ANKRD44: variants seen among roughly 807,000 people sequenced by gnomAD.
ANKRD44 encodes the protein serine/threonine-protein phosphatase 6 regulatory ankyrin repeat subunit B.
In ANKRD44, 35 loss-of-function variants were observed where a neutral mutation model predicts 116.0. That is an observed-to-expected ratio of 0.30 (90% confidence interval 0.23 to 0.40). The LOEUF (loss-of-function observed/expected upper bound fraction) is 0.40, where lower values mean the gene tolerates loss of function less well. ANKRD44 is among the 10% of genes least tolerant of loss of function. The pLI is 1.00. For missense variants in ANKRD44, 1,014 were observed against 1,242.6 expected, an observed-to-expected ratio of 0.82 and a Z score of 2.77; for synonymous variants, 435 against 461.8, an observed-to-expected ratio of 0.94 and a Z score of 0.74.
intron 1 of ANKRD44, among the ~76,000 whole-genome samples, chr2:197,238,861 C>A (rs1027380087): frequency 6.6e-6 from 1 of 152,074 alleles, no homozygotes; most frequent in African/African-American, 2.4e-5. Flanking sequence ...TGTACCACCA[C>A]GCCTGGCAAA....
intron 17 of ANKRD44, 115 bp from the exon 18 acceptor site, chr2:197,013,827 C>CA: frequency 1.0e-6 from 1 of 997,376 alleles, no homozygotes; most frequent in Non-Finnish European, 1.5e-6. Context: ...CCCAAGAGCA[C>CA]GTCAGAAAAA....
At chr2:197,192,554 C>A (rs772750397) in intron 1 of ANKRD44, among the ~76,000 whole-genome samples, 23 of 152,144 alleles carry the variant, frequency 1.5e-4, no homozygotes, top group South Asian at 2.1e-4. Flanking sequence ...AATAATCTAG[C>A]CATATGAAGC....
intron 21 of ANKRD44, among the ~76,000 whole-genome samples, chr2:196,974,234 C>T (rs2075740642): frequency 6.6e-6 from 1 of 152,020 alleles, no homozygotes; most frequent in Non-Finnish European, 1.5e-5. Flanking sequence ...AGGGGTGCAC[C>T]ACCATGCCTG....
chr2:197,115,226 CTTT>C (rs2078679895), intron 8 of ANKRD44, among the ~76,000 whole-genome samples: 1 of 152,216 alleles, frequency 6.6e-6, no homozygotes, highest in Admixed American at 6.5e-5. Context: ...CTGAGTCTGT[CTTT>C]CTAAGTTGTA....
intron 21 of ANKRD44, among the ~76,000 whole-genome samples, chr2:196,971,495 T>C (rs2075715635): frequency 6.6e-6 from 1 of 152,108 alleles, no homozygotes; most frequent in African/African-American, 2.4e-5. Context: ...TAGCTGGGAG[T>C]ACCGGCATGT....
intron 1 of ANKRD44, among the ~76,000 whole-genome samples, chr2:197,202,719 G>A (rs2081120608): frequency 6.6e-6 from 1 of 152,050 alleles, no homozygotes; most frequent in Non-Finnish European, 1.5e-5. Context: ...GACTACAGGT[G>A]TGCACCACCA....
chr2:197,203,740 A>G lies in ANKRD44; in HGVS notation c.28-16634T>C, dbSNP rs1209088404. Among the ~76,000 whole-genome samples the G allele has an allele frequency of 2.0e-5, 3 of 152,234 alleles. No homozygotes were observed. The highest frequency in any genetic ancestry group is 4.4e-5 in the Non-Finnish European group (3 of 68,044). On this transcript the variant is annotated intron_variant, in intron 1 of 27. Coordinates refer to ENST00000282272, the MANE Select transcript of ANKRD44 (RefSeq NM_001195144.2). The surrounding 1 kb of genome is among the most constrained non-coding windows in gnomAD (Gnocchi z 4.1). ...AACCGGCATCAACTGATGAATGGAT[A>G]AACCAAATGTGGTACAGCCGTAGAG...
At chr2:197,146,953 G>C (rs961697879) in intron 3 of ANKRD44, 74 bp downstream of exon 3, 2 of 1,354,548 alleles carry the variant, frequency 1.5e-6, no homozygotes, top group Admixed American at 3.7e-5. Flanking sequence ...TGGGTTCACT[G>C]TAGTAGTCAA....
chr2:196,992,937 T>C (rs1457566921), intron 27 of ANKRD44: 1 of 152,628 alleles, frequency 6.6e-6, no homozygotes, highest in East Asian at 1.9e-4. Context: ...TAATAGGCAT[T>C]GTGCTTAAAA....
intron 26 of ANKRD44, among the ~76,000 whole-genome samples, chr2:196,994,191 C>CT (rs1271644549): frequency 7.3e-5 from 11 of 151,148 alleles, no homozygotes; most frequent in South Asian, 4.2e-4. Flanking sequence ...GAATCTTTTT[C>CT]TTTTTTTTTG....
intron 16 of ANKRD44, among the ~76,000 whole-genome samples, chr2:197,028,004 TG>T (rs2076630375): frequency 6.6e-6 from 1 of 152,144 alleles, no homozygotes; most frequent in African/African-American, 2.4e-5. Context: ...GTCTGAGAAT[TG>T]ATCACTGAGT....
chr2:197,096,106 G>A (rs2078154754), intron 10 of ANKRD44, among the ~76,000 whole-genome samples: 1 of 152,120 alleles, frequency 6.6e-6, no homozygotes, highest in Non-Finnish European at 1.5e-5. Flanking sequence ...GTGAGACTGG[G>A]TTCCACATCT....
intron 27 of ANKRD44, 34 bp from the exon 28 acceptor site, chr2:196,989,683 T>C (rs181271229): frequency 1.3e-4 from 196 of 1,548,822 alleles, no homozygotes; most frequent in Admixed American, 2.0e-4. Context: ...GTATTCACTA[T>C]GTTGATTTCA....
At chr2:197,228,971 G>T (rs181648161) in intron 1 of ANKRD44, among the ~76,000 whole-genome samples, 3 of 152,188 alleles carry the variant, frequency 2.0e-5, no homozygotes, top group Admixed American at 1.3e-4. Flanking sequence ...GGAGGCAAAG[G>T]TTACAGTGAG....
At chr2:196,983,224 A>C (rs2075814340), downstream of ANKRD44, among the ~76,000 whole-genome samples, 2 of 152,160 alleles carry the variant, frequency 1.3e-5, no homozygotes, top group South Asian at 4.1e-4. Flanking sequence ...TGACAGAAAA[A>C]AAAAATCAGA....
intron 4 of ANKRD44, chr2:197,136,330 T>C: frequency 2.0e-6 from 1 of 506,420 alleles, no homozygotes. Flanking sequence ...TGCTTTCTGC[T>C]TTGCCTCCTC....
intron 1 of ANKRD44, among the ~76,000 whole-genome samples, chr2:197,213,807 C>A (rs537393257): frequency 6.0e-5 from 9 of 149,020 alleles, no homozygotes; most frequent in Middle Eastern, 3.4e-3. Context: ...ATTTATTAGA[C>A]CTTCTAAGTA....
At chr2:197,014,795 A>C in intron 17 of ANKRD44, among the ~76,000 whole-genome samples, 1 of 151,872 alleles carries the variant, frequency 6.6e-6, no homozygotes, top group Admixed American at 6.6e-5. Context: ...AAAAAAAAAA[A>C]CAACAAAAAA....
At chr2:197,046,641 C>CAAA (rs11381131) in intron 16 of ANKRD44, among the ~76,000 whole-genome samples, 2 of 145,650 alleles carry the variant, frequency 1.4e-5, no homozygotes, top group African/African-American at 2.5e-5. Context: ...GCGAGACTGG[C>CAAA]AAAAAAAAAA....
Sources: gnomAD v4.1 joint callset for allele counts (sites outside exome capture counted in the v4.1 genomes callset) on GRCh38, gnomAD v4.1.1 for gene constraint, Gnocchi (gnomAD v3.1) non-coding constraint, MANE v1.5 for transcripts, NCBI Gene and HGNC (gene_info 2026-07-23, HGNC 2026-07-21) for gene names.